SND1: variants seen among roughly 807,000 people sequenced by gnomAD.
SND1 encodes the protein staphylococcal nuclease domain-containing protein 1.
A neutral mutation model predicts 121.7 loss-of-function variants in SND1; 38 were observed. That is an observed-to-expected ratio of 0.31 (90% CI 0.24 to 0.41). The LOEUF (loss-of-function observed/expected upper bound fraction) is 0.41. Ranked by LOEUF, SND1 falls within the 10% of genes least tolerant of loss-of-function variation. SND1 has a pLI of 1.00. For synonymous variants in SND1, 401 were observed against 447.4 expected (o/e 0.90, Z 1.31); for missense variants, 868 against 1,184.6 (o/e 0.73, Z 3.92).
At chr7:127,905,499 T>A (rs1800316769) in intron 14 of SND1, among the ~76,000 whole-genome samples, 1 of 152,170 alleles carries the variant, frequency 6.6e-6, no homozygotes, top group African/African-American at 2.4e-5. Context: ...GCCTGCTGTA[T>A]GCCAGGAATT....
chr7:127,691,093 T>G (rs1260010329), intron 2 of SND1, among the ~76,000 whole-genome samples: 1 of 152,156 alleles, frequency 6.6e-6, no homozygotes, highest in African/African-American at 2.4e-5. Flanking sequence ...ACAGAATTAT[T>G]GAGCTCCTGC....
intron 1 of SND1, 72 bp from the exon 2 acceptor site, chr7:127,686,541 G>T: frequency 6.7e-7 from 1 of 1,494,842 alleles, no homozygotes; most frequent in Non-Finnish European, 9.1e-7. Context: ...TTGGGGATAC[G>T]GTGGTACACA....
intron 11 of SND1, among the ~76,000 whole-genome samples, chr7:127,817,817 A>G (rs1267867663): frequency 7.4e-6 from 1 of 135,680 alleles, no homozygotes; most frequent in African/African-American, 2.8e-5. Flanking sequence ...TTGTCCTCCG[A>G]TAATATTTTT....
chr7:127,962,148 A>G (rs1158599184), intron 15 of SND1, among the ~76,000 whole-genome samples: 2 of 152,220 alleles, frequency 1.3e-5, no homozygotes, highest in Non-Finnish European at 2.9e-5. Context: ...AACTCTTTGT[A>G]TAAGGGAGTA....
chr7:127,669,612 C>T (rs1216650067), intron 1 of SND1, among the ~76,000 whole-genome samples: 1 of 152,134 alleles, frequency 6.6e-6, no homozygotes, highest in African/African-American at 2.4e-5. Context: ...TTCTTGCTTC[C>T]TAGGCAAGAC....
At chr7:128,053,465 C>CA (rs562789353) in intron 16 of SND1, among the ~76,000 whole-genome samples, 4 of 151,486 alleles carry the variant, frequency 2.6e-5, no homozygotes, top group African/African-American at 7.3e-5. Flanking sequence ...TCTCAGGGTT[C>CA]AAAAAAAATG....
intron 12 of SND1, chr7:127,858,250 C>T (rs1446683125): frequency 2.6e-6 from 2 of 772,044 alleles, no homozygotes; most frequent in Admixed American, 3.9e-5. Context: ...GGGCCACCAT[C>T]TGGTCGGCCA....
chr7:127,657,125 T>C (rs1043723504), intron 1 of SND1, among the ~76,000 whole-genome samples: 13 of 152,278 alleles, frequency 8.5e-5, no homozygotes, highest in Non-Finnish European at 1.6e-4. Context: ...ACTTCCTTTC[T>C]TTCTTGAACA....
At chr7:128,000,368 CTTTTT>C (rs34812649) in intron 16 of SND1, among the ~76,000 whole-genome samples, 1 of 135,188 alleles carries the variant, frequency 7.4e-6, no homozygotes. Flanking sequence ...GCTTTTGCTT[CTTTTT>C]TTTTTTTTTT....
intron 18 of SND1, 40 bp downstream of exon 18, chr7:128,081,541 TC>T: frequency 1.2e-6 from 2 of 1,610,302 alleles, no homozygotes; most frequent in South Asian, 2.2e-5. Flanking sequence ...CCTGGCTTGG[TC>T]CAGCTGGCGC....
At chr7:128,041,626 A>T (rs1792856678) in intron 16 of SND1, among the ~76,000 whole-genome samples, 1 of 152,200 alleles carries the variant, frequency 6.6e-6, no homozygotes, top group Admixed American at 6.5e-5. Flanking sequence ...TATCAGATTT[A>T]GAAAGGATGA....
chr7:127,799,693 G>A (rs1040526350), intron 10 of SND1, among the ~76,000 whole-genome samples: 3 of 152,186 alleles, frequency 2.0e-5, no homozygotes, highest in African/African-American at 7.2e-5. Flanking sequence ...TGGAAGATAT[G>A]CTAAATGTAT....
intron 3 of SND1, among the ~76,000 whole-genome samples, chr7:127,697,563 G>A (rs1365001003): frequency 6.6e-6 from 1 of 152,120 alleles, no homozygotes; most frequent in East Asian, 1.9e-4. Flanking sequence ...TGGGATTCCT[G>A]TTGCTTGGAA....
At chr7:127,977,863 A>G (rs1337920452) in intron 15 of SND1, among the ~76,000 whole-genome samples, 1 of 152,146 alleles carries the variant, frequency 6.6e-6, no homozygotes, top group Non-Finnish European at 1.5e-5. Flanking sequence ...GGAAGAAGAT[A>G]AGAGAGGTTT....
rs139243351 is a variant in SND1, at chr7:127,876,875, A to G, written c.1344-11027A>G. ...CATTTAGAGAGATTCAGACAAGTCTATGCAGTTTCTTTCTATTGAACAGGT... is the reference window on the plus strand; with the variant it reads ...CATTTAGAGAGATTCAGACAAGTCTGTGCAGTTTCTTTCTATTGAACAGGT... On this transcript the variant is annotated intron_variant, in intron 12 of 23. Transcript: ENST00000354725. Among the ~76,000 whole-genome samples, 134 of 152,284 alleles carry G rather than the reference A, an allele frequency of 8.8e-4. 2 individuals are homozygous for G. The highest frequency in any genetic ancestry group is 3.1e-3 in the African/African-American group (129 of 41,588).
At chr7:127,992,350 A>G (rs1802541773) in intron 16 of SND1, among the ~76,000 whole-genome samples, 1 of 152,204 alleles carries the variant, frequency 6.6e-6, no homozygotes, top group South Asian at 2.1e-4. Context: ...CAAAAATCCA[A>G]ACACTCCAGT....
At chr7:127,913,760 C>A (rs954230359) in intron 14 of SND1, among the ~76,000 whole-genome samples, 3 of 152,176 alleles carry the variant, frequency 2.0e-5, no homozygotes, top group African/African-American at 7.2e-5. Context: ...TTCTGCATAG[C>A]CCCAGATTCA....
chr7:127,893,029 G>A (rs1020583467), intron 13 of SND1, among the ~76,000 whole-genome samples: 18 of 152,014 alleles, frequency 1.2e-4, no homozygotes, highest in Non-Finnish European at 2.6e-4. Context: ...TAGTCTTGGC[G>A]AGCCTTCCAA....
At position 128,018,551 on chromosome 7, in the gene SND1, C is replaced by T. The variant is rs185216889; in HGVS notation, c.1779+27495C>T. On this transcript the variant is annotated intron_variant, in intron 16 of 23. Transcript: ENST00000354725. ...AATCTGGCTGAGGAACATTACCCTG[C>T]CGCTCTGGCACTGCCCCAGAGCCAA... is the stretch of plus-strand genomic sequence containing the variant. Among the ~76,000 whole-genome samples the T allele has an allele frequency of 1.8e-4, 28 of 152,334 alleles. No individual in the cohort carries two copies. In the East Asian group the frequency reaches 5.2e-3, roughly 28 times the overall value.
Sources: allele counts gnomAD v4.1 joint callset (sites outside exome capture counted in the v4.1 genomes callset), GRCh38; gene constraint gnomAD v4.1.1; transcripts MANE v1.5; gene names NCBI Gene and HGNC (gene_info 2026-07-23, HGNC 2026-07-21).